The following RPS29 variants were observed in gnomAD, a reference collection of about 807,000 sequenced individuals.
The protein encoded by RPS29 is ribosomal protein S29.
For synonymous variants in RPS29, 37 were observed against 26.9 expected (o/e 1.37, Z -1.16); for missense variants, 60 against 75.7 (o/e 0.79, Z 0.77).
At chr14:49,585,437 G>C (rs1259077713) in intron 2 of RPS29, 1 of 165,796 alleles carries the variant, frequency 6.0e-6, no homozygotes, top group East Asian at 1.7e-4. Flanking sequence ...AGGTACAGCC[G>C]CGCGTGGTGG....
At chr14:49,596,563 C>T (rs934758198) in intron 1 of RPS29, among the ~76,000 whole-genome samples, 2 of 152,070 alleles carry the variant, frequency 1.3e-5, no homozygotes, top group African/African-American at 4.8e-5. Context: ...AATGAGATAC[C>T]AAAAACTGAT....
At chr14:49,574,174 T>C (rs1435314311) in exon 3 of RPS29, 4 of 152,228 alleles carry the variant, frequency 2.6e-5, no homozygotes, top group Admixed American at 2.0e-4. Context: ...TAAAGGCTTA[T>C]TGATTTTTCT....
At chr14:49,597,729 T>A (rs1054694560) in intron 1 of RPS29, 1 of 151,642 alleles carries the variant, frequency 6.6e-6, no homozygotes, top group African/African-American at 2.4e-5. Context: ...CCGGAGCCTC[T>A]CGACCTCCCC....
At chr14:49,573,077 A>AGAAG (rs1194203980) in exon 3 of RPS29, 2 of 151,418 alleles carry the variant, frequency 1.3e-5, no homozygotes, top group Non-Finnish European at 2.9e-5. Flanking sequence ...CCAAAGAAAA[A>AGAAG]AAAGAAGAAA....
intron 2 of RPS29, among the ~76,000 whole-genome samples, 192 bp from the exon 3 acceptor site, chr14:49,583,867 C>T (rs759176103): frequency 2.6e-5 from 4 of 152,204 alleles, no homozygotes; most frequent in South Asian, 2.1e-4. Context: ...TGTTTTAGAA[C>T]GATTTTTAGT....
In RPS29 at chr14:49,596,019, AGGAGGGAG is replaced by A. The variant is rs35194256; in HGVS notation, c.-133+2373_-133+2380del. 3.9e-3 allele frequency among the ~76,000 whole-genome samples: 431 copies of A among 109,656 alleles called. 1 individual carries two copies. The highest frequency in any genetic ancestry group is 0.014 in the African/African-American group (404 of 28,044). 71.9% of individuals were successfully genotyped at this position (109,656 alleles called of 152,430 possible). Reference sequence around the variant, plus strand: ...CAGAGCGGAAGGAAGGAAGAAATGAAGGAGGGAGGGAGGGAGGGAGGGAGGGAACCATT... The same window carrying A: ...CAGAGCGGAAGGAAGGAAGAAATGAAGGAGGGAGGGAGGGAGGGAACCATT... On this transcript the variant is annotated intron_variant, in intron 1 of 3. Coordinates refer to the RPS29 transcript ENST00000556230.
chr14:49,583,787 G>T, intron 2 of RPS29, 112 bp from the exon 3 acceptor site: 1 of 692,806 alleles, frequency 1.4e-6, no homozygotes. Flanking sequence ...CTGGACCTTT[G>T]ACCTATCCAA....
At chr14:49,578,473 T>G (rs1881245785) in intron 2 of RPS29, among the ~76,000 whole-genome samples, 1 of 152,020 alleles carries the variant, frequency 6.6e-6, no homozygotes, top group Admixed American at 6.6e-5. Flanking sequence ...ATAATAAAAT[T>G]GTAGCACATA....
intron 1 of RPS29, among the ~76,000 whole-genome samples, chr14:49,592,013 A>G (rs1447167986): frequency 6.6e-6 from 1 of 152,146 alleles, no homozygotes; most frequent in African/African-American, 2.4e-5. Flanking sequence ...CCAGACATAT[A>G]TCTTTATCTG....
At chr14:49,595,733 C>T (rs939409787) in intron 1 of RPS29, among the ~76,000 whole-genome samples, 1 of 151,968 alleles carries the variant, frequency 6.6e-6, no homozygotes, top group African/African-American at 2.4e-5. Context: ...CCATTGTCGG[C>T]AGGGCGCGGT....
At chr14:49,575,344 C>T (rs1323036120) in exon 3 of RPS29, 2 of 152,222 alleles carry the variant, frequency 1.3e-5, no homozygotes, top group African/African-American at 4.8e-5. Context: ...TGCCTGGCAT[C>T]AGGGATCTCT....
chr14:49,595,028 A>G (rs2139523018), intron 1 of RPS29, among the ~76,000 whole-genome samples: 1 of 152,210 alleles, frequency 6.6e-6, no homozygotes, highest in Middle Eastern at 3.4e-3. Flanking sequence ...TTGGCTTGCC[A>G]TTTCGTGCAT....
intron 2 of RPS29, chr14:49,585,321 TCACGCCA>T: frequency 6.8e-6 from 1 of 146,296 alleles, no homozygotes; most frequent in South Asian, 2.2e-4. Context: ...TGAGCGGAGA[TCACGCCA>T]TCGCACTCCA....
At chr14:49,587,837 G>C (rs900295696), upstream of RPS29, among the ~76,000 whole-genome samples, 1 of 152,228 alleles carries the variant, frequency 6.6e-6, no homozygotes, top group Non-Finnish European at 1.5e-5. Flanking sequence ...GGTAGACCTT[G>C]AAGAATGGGA....
downstream of RPS29, among the ~76,000 whole-genome samples, chr14:49,579,691 T>C (rs1881282853): frequency 6.6e-6 from 1 of 152,230 alleles, no homozygotes; most frequent in Non-Finnish European, 1.5e-5. Flanking sequence ...CCTATTAATC[T>C]ACAAGGCATC....
At chr14:49,586,586 C>G (rs892228503), upstream of RPS29, 2 of 533,906 alleles carry the variant, frequency 3.7e-6, no homozygotes, top group Non-Finnish European at 6.8e-6. Flanking sequence ...GACCGCCGGG[C>G]GCGGTGGCGC....
exon 3 of RPS29, chr14:49,574,548 C>A (rs1881129696): frequency 6.6e-6 from 1 of 152,180 alleles, no homozygotes; most frequent in Admixed American, 6.5e-5. Context: ...TGATTTTTCT[C>A]TTAACACCAG....
exon 3 of RPS29, chr14:49,574,799 C>G (rs1300814512): frequency 6.6e-6 from 1 of 152,224 alleles, no homozygotes. Flanking sequence ...GGGTCACCCA[C>G]GAAGAAATTG....
exon 3 of RPS29, chr14:49,571,744 G>C (rs542187498): frequency 6.6e-6 from 1 of 152,172 alleles, no homozygotes; most frequent in East Asian, 1.9e-4. Context: ...TGACACACCC[G>C]ATTCCACAAT....
Sources: gnomAD v4.1 joint callset for allele counts (sites outside exome capture counted in the v4.1 genomes callset) on GRCh38, gnomAD v4.1.1 for gene constraint, MANE v1.5 for transcripts, NCBI Gene and HGNC (gene_info 2026-07-23, HGNC 2026-07-21) for gene names.